PILRA: variants seen among roughly 807,000 people sequenced by gnomAD.
PILRA encodes the protein paired immunoglobin like type 2 receptor alpha, also known as paired immunoglobulin-like type 2 receptor alpha.
Under a neutral mutation model 33.1 loss-of-function variants are expected in PILRA, and 37 were observed. The ratio of observed to expected loss-of-function variants is 1.12; its 90% CI spans 0.86 to 1.47. The LOEUF (loss-of-function observed/expected upper bound fraction) is 1.47. PILRA is among the 40% of genes most tolerant of loss of function. The probability of loss-of-function intolerance (pLI) is 0.00; values close to 1 mark genes in which losing one functional copy is unlikely to be tolerated. For missense variants in PILRA, 312 were observed against 376.2 expected (o/e 0.83, Z 1.41); for synonymous variants, 146 against 149.9 (o/e 0.97, Z 0.19).
At chr7:100,389,234 A>G (rs1397110368) in intron 2 of PILRA, among the ~76,000 whole-genome samples, 1 of 152,184 alleles carries the variant, frequency 6.6e-6, no homozygotes. Context: ...ATTAAAAGTA[A>G]TATTAGAGTT....
chr7:100,376,498 TTTG>T (rs1790951957), intron 2 of PILRA: 1 of 151,360 alleles, frequency 6.6e-6, no homozygotes, highest in African/African-American at 2.4e-5. Context: ...TTTTTTTTTT[TTTG>T]AGACAAAATC....
At chr7:100,396,832 A>T (rs1791503147) in intron 3 of PILRA, among the ~76,000 whole-genome samples, 1 of 152,124 alleles carries the variant, frequency 6.6e-6, no homozygotes, top group African/African-American at 2.4e-5. Flanking sequence ...GCTGTCAGAA[A>T]CCGCAGGGAG....
At position 100,397,903 on chromosome 7, in the gene PILRA, C is replaced by A. The variant is rs750902149; in HGVS notation, c.698C>A (p.Thr233Asn). The change falls in exon 4 of 7, where the codon ACC becomes AAC. Residue 233 changes from threonine (T) to asparagine (N), a missense_variant. Physicochemically the swap from Thr to Asn is moderately conservative, Grantham distance 65. Transcript: ENST00000198536. ...RKGQQRTKAT[T>N]PAREPFQNTE... The stretch of plus-strand genomic sequence containing the variant: ...GGTCAGCAGCGGACTAAAGCCACAA[C>A]CCCAGCCAGGTGAGTGCTGGGCCTC... The A allele has an allele frequency of 6.2e-7, 1 of 1,614,006 alleles. No homozygotes were observed. The highest frequency in any genetic ancestry group is 8.5e-7 in the Non-Finnish European group (1 of 1,179,900).
At chr7:100,395,992 C>T (rs927853723) in intron 3 of PILRA, among the ~76,000 whole-genome samples, 1 of 151,898 alleles carries the variant, frequency 6.6e-6, no homozygotes, top group Non-Finnish European at 1.5e-5. Context: ...GGTGTGGTGG[C>T]GGGCACCTGT....
At chr7:100,380,072 C>T (rs1013457296) in intron 2 of PILRA, among the ~76,000 whole-genome samples, 1 of 152,164 alleles carries the variant, frequency 6.6e-6, no homozygotes, top group Non-Finnish European at 1.5e-5. Context: ...TCCCCATTCC[C>T]CTACCCTAGC....
Position 100,399,291 on chromosome 7 carries a change from G to A in PILRA, c.708G>A (p.Arg236=). ...TTCCTGTCCTCTTGTTCCCATACAGGGAACCCTTCCAAAACACAGAGGAGC... is the reference window on the plus strand; with the variant it reads ...TTCCTGTCCTCTTGTTCCCATACAGAGAACCCTTCCAAAACACAGAGGAGC... ...QQRTKATTPA[R]EPFQNTEEPY... The change falls in exon 5 of 7, where the codon AGG becomes AGA. Residue 236 remains arginine, a splice_region_variant and synonymous_variant. Transcript: ENST00000198536. The A allele has an allele frequency of 6.2e-7, 1 of 1,610,938 alleles. No homozygotes were observed. Among genetic ancestry groups the A allele is most frequent in the Non-Finnish European group, 8.5e-7 (1 of 1,177,510 alleles).
At chr7:100,391,716 A>T (rs1782768961) in intron 3 of PILRA, among the ~76,000 whole-genome samples, 1 of 152,168 alleles carries the variant, frequency 6.6e-6, no homozygotes, top group Non-Finnish European at 1.5e-5. Context: ...TGATTGTTAG[A>T]TTGATGTAGG....
At chr7:100,372,407 GA>G (rs1481274643), upstream of PILRA, among the ~76,000 whole-genome samples, 1 of 152,160 alleles carries the variant, frequency 6.6e-6, no homozygotes, top group Non-Finnish European at 1.5e-5. Flanking sequence ...TCTGTCTCAA[GA>G]AGGCTGATGT....
Position 100,400,041 on chromosome 7 carries a change from G to C in PILRA, c.*134G>C. 1.3e-6 allele frequency: 1 copy of C among 743,742 alleles called. No homozygotes were observed. The highest frequency in any genetic ancestry group is 2.0e-6 in the Non-Finnish European group (1 of 494,706). The allele number at this position is 743,742 out of a possible 1,614,324, so 46.1% of individuals were successfully genotyped here. On this transcript the variant is annotated 3_prime_UTR_variant, in exon 7 of 7. Coordinates refer to ENST00000198536, the MANE Select transcript of PILRA (RefSeq NM_013439.3). Reference sequence around the variant, plus strand: ...TCAGGGCCAGCTTTGATAATGGAGCGAGATGCCATCTCTAGTTAAAAATAT... The same window carrying C: ...TCAGGGCCAGCTTTGATAATGGAGCCAGATGCCATCTCTAGTTAAAAATAT...
chr7:100,385,821 G>T (rs1230315018), intron 2 of PILRA, among the ~76,000 whole-genome samples: 9 of 151,682 alleles, frequency 5.9e-5, no homozygotes, highest in African/African-American at 2.2e-4. Flanking sequence ...TAGAGATAGG[G>T]TTTCACCATG....
intron 3 of PILRA, among the ~76,000 whole-genome samples, chr7:100,393,997 A>C (rs1791442239): frequency 1.3e-5 from 2 of 152,146 alleles, no homozygotes; most frequent in South Asian, 4.1e-4. Context: ...TCCCACAGCT[A>C]TCTGTAGGGG....
At chr7:100,387,899 A>G (rs574261279) in intron 2 of PILRA, among the ~76,000 whole-genome samples, 2 of 152,110 alleles carry the variant, frequency 1.3e-5, no homozygotes, top group African/African-American at 2.4e-5. Context: ...ATTTATTCCT[A>G]CGTAACTTTT....
At chr7:100,382,654 G>A (rs555408558) in intron 2 of PILRA, among the ~76,000 whole-genome samples, 1 of 152,166 alleles carries the variant, frequency 6.6e-6, no homozygotes, top group Non-Finnish European at 1.5e-5. Flanking sequence ...AAAGCAGGCT[G>A]CCCCCCTGAG....
chr7:100,399,368 G>A, intron 5 of PILRA, 28 bp downstream of exon 5: 1 of 1,589,720 alleles, frequency 6.3e-7, no homozygotes, highest in Non-Finnish European at 8.6e-7. Context: ...TCCTTCCCCA[G>A]TTTCTACCCC....
At chr7:100,381,820 G>C (rs1052645917) in intron 2 of PILRA, among the ~76,000 whole-genome samples, 2 of 152,220 alleles carry the variant, frequency 1.3e-5, no homozygotes, top group Non-Finnish European at 2.9e-5. Flanking sequence ...CCCCGCACTC[G>C]GAGTGGCCGG....
intron 2 of PILRA, among the ~76,000 whole-genome samples, chr7:100,375,179 T>A (rs529202539): frequency 2.0e-5 from 3 of 152,274 alleles, no homozygotes; most frequent in Non-Finnish European, 4.4e-5. Flanking sequence ...TGTCCTCCAC[T>A]CTGGTCTTGC....
Position 100,389,990 on chromosome 7 carries a change from G to A in PILRA, c.557G>A (p.Arg186His), listed in dbSNP as rs764890538. The change falls in exon 3 of 7, where the codon CGC becomes CAC. Residue 186 changes from arginine (R) to histidine (H), a missense_variant. Coordinates refer to ENST00000198536, the MANE Select transcript of PILRA (RefSeq NM_013439.3). ...TGLRVTQGKR[R>H]SDSWHISLET... ...CTCAGGGTCACACAGGGCAAACGAC[G>A]CTCAGACTCTTGGCACATAAGTCTG... is the stretch of plus-strand genomic sequence containing the variant. The A allele has an allele frequency of 1.2e-5, 19 of 1,613,966 alleles. No individual in the cohort carries two copies. The highest frequency in any genetic ancestry group is 1.6e-4 in the Middle Eastern group (1 of 6,082).
At chr7:100,383,948 C>G (rs1243025410) in intron 2 of PILRA, among the ~76,000 whole-genome samples, 2 of 152,142 alleles carry the variant, frequency 1.3e-5, no homozygotes, top group Non-Finnish European at 2.9e-5. Context: ...CAACTCACAG[C>G]TTAAAAGCAT....
At chr7:100,390,760 T>G (rs994872676) in intron 3 of PILRA, among the ~76,000 whole-genome samples, 2 of 151,784 alleles carry the variant, frequency 1.3e-5, no homozygotes. Flanking sequence ...ACTTTCCTTG[T>G]GGGTGGAGGA....
Sources: allele counts gnomAD v4.1 joint callset (sites outside exome capture counted in the v4.1 genomes callset), GRCh38; gene constraint gnomAD v4.1.1; transcripts MANE v1.5; gene names NCBI Gene and HGNC (gene_info 2026-07-23, HGNC 2026-07-21).